FABP6: variants seen among roughly 807,000 people sequenced by gnomAD.
FABP6 encodes fatty acid binding protein 6, also known as gastrotropin.
A neutral mutation model predicts 14.9 loss-of-function variants in FABP6; 13 were observed. That is an observed-to-expected ratio of 0.87 (90% CI 0.57 to 1.39). The LOEUF is 1.39. FABP6 is among the 40% of genes most tolerant of loss of function. The pLI is 0.00. For synonymous variants in FABP6, 75 were observed against 63.6 expected (o/e 1.18, Z -0.85); for missense variants, 161 against 167.2 (o/e 0.96, Z 0.20).
intron 2 of FABP6, among the ~76,000 whole-genome samples, chr5:160,200,430 G>A (rs1383642752): frequency 1.6e-5 from 1 of 60,820 alleles, no homozygotes; most frequent in Admixed American, 1.4e-4. Context: ...TTTTTTTTTT[G>A]AGGCGGAGTC....
chr5:160,197,836 G>A (rs1053785228), intron 1 of FABP6: 1 of 151,968 alleles, frequency 6.6e-6, no homozygotes, highest in South Asian at 2.1e-4. Flanking sequence ...GCCTCCCCCT[G>A]CTCCGGAAAC....
At chr5:160,238,128 T>C (rs1227147037) in intron 3 of FABP6, among the ~76,000 whole-genome samples, 1 of 152,074 alleles carries the variant, frequency 6.6e-6, no homozygotes, top group East Asian at 1.9e-4. Flanking sequence ...CCCGCCTGCC[T>C]CTCCCACTAA....
chr5:160,203,340 T>C (rs1759687452), intron 2 of FABP6, among the ~76,000 whole-genome samples: 1 of 152,244 alleles, frequency 6.6e-6, no homozygotes, highest in Non-Finnish European at 1.5e-5. Context: ...TCAGGTTGAC[T>C]GGGGCATTTT....
intron 1 of FABP6, among the ~76,000 whole-genome samples, 197 bp downstream of exon 1, chr5:160,229,821 T>TTTTTATTTTA (rs200570698): frequency 2.6e-4 from 33 of 128,092 alleles, no homozygotes; most frequent in African/African-American, 8.7e-4. Flanking sequence ...CTCTTTAACT[T>TTTTTATTTTA]TTTTATTTTA....
intron 2 of FABP6, 36 bp downstream of exon 2, chr5:160,232,309 G>T (rs200090981): frequency 6.5e-7 from 1 of 1,541,738 alleles, no homozygotes; most frequent in African/African-American, 1.4e-5. Flanking sequence ...CCTTCCCCAG[G>T]CCTCCATCTG....
At chr5:160,201,139 T>G (rs772654964) in intron 2 of FABP6, among the ~76,000 whole-genome samples, 36 of 152,106 alleles carry the variant, frequency 2.4e-4, no homozygotes, top group Non-Finnish European at 4.4e-4. Flanking sequence ...GAGGATCACT[T>G]GAGCCCAGAA....
In FABP6 at chr5:160,238,152, C is replaced by T. The variant is rs563074262; in HGVS notation, c.334-454C>T. 1.9e-4 allele frequency among the ~76,000 whole-genome samples: 29 copies of T among 152,238 alleles called. No individual in the cohort carries two copies. In the South Asian group the frequency reaches 5.2e-3, roughly 27 times the overall value. On this transcript the variant is annotated intron_variant, in intron 3 of 3. Coordinates refer to ENST00000402432, the MANE Select transcript of FABP6 (RefSeq NM_001445.3). ...CTCTCCCACTAAACCTTAGGCTTCT[C>T]GAGAGTAGGGACTGTATCTTCCCAT... is the stretch of plus-strand genomic sequence containing the variant.
chr5:160,233,101 C>A (rs181275704), intron 2 of FABP6, among the ~76,000 whole-genome samples: 123 of 151,042 alleles, frequency 8.1e-4, no homozygotes, highest in Non-Finnish European at 1.3e-3. Flanking sequence ...CCTGCCTCAG[C>A]CTCCTGAGTA....
chr5:160,206,099 A>G (rs2113090458), intron 2 of FABP6, among the ~76,000 whole-genome samples: 1 of 152,326 alleles, frequency 6.6e-6, no homozygotes, highest in East Asian at 1.9e-4. Flanking sequence ...ATATATAGAA[A>G]GTCACAGCTG....
intron 3 of FABP6, among the ~76,000 whole-genome samples, chr5:160,218,455 C>T (rs1233951986): frequency 1.1e-5 from 1 of 89,358 alleles, no homozygotes; most frequent in Non-Finnish European, 2.3e-5. Flanking sequence ...TTATCTTAGT[C>T]TTTGACTTTT....
At chr5:160,231,298 G>A in intron 1 of FABP6, among the ~76,000 whole-genome samples, 1 of 152,158 alleles carries the variant, frequency 6.6e-6, no homozygotes, top group East Asian at 1.9e-4. Context: ...GACCTGATTC[G>A]GTCATTAAAT....
At chr5:160,238,542 GC>G (rs1279868096) in intron 3 of FABP6, 63 bp from the exon 4 acceptor site, 36 of 1,437,202 alleles carry the variant, frequency 2.5e-5, no homozygotes, top group Non-Finnish European at 3.4e-5. Context: ...TCTTCCTTCA[GC>G]GGTGCCTCCT....
chr5:160,225,939 C>T (rs374232324), upstream of FABP6, among the ~76,000 whole-genome samples: 6 of 151,962 alleles, frequency 3.9e-5, no homozygotes, highest in East Asian at 1.9e-4. Context: ...TTTGGGAGGC[C>T]GAGGCGAGTG....
chr5:160,190,123 C>T (rs1759365829), intron 1 of FABP6, among the ~76,000 whole-genome samples: 1 of 152,222 alleles, frequency 6.6e-6, no homozygotes, highest in African/African-American at 2.4e-5. Flanking sequence ...GCTTATCTAT[C>T]CAGCAACAAG....
intron 2 of FABP6, chr5:160,213,649 C>A (rs1334398158): frequency 1.1e-5 from 13 of 1,131,296 alleles, no homozygotes; most frequent in Non-Finnish European, 1.8e-5. Context: ...CTATGAGGAG[C>A]TCTGCCTCCC....
rs188345734 is a variant in FABP6 at position 160,204,196 on chromosome 5, T to C, written c.51+5039T>C. 1.3e-4 allele frequency among the ~76,000 whole-genome samples: 19 copies of C among 150,794 alleles called. No individual in the cohort carries two copies. In the East Asian group the frequency reaches 2.1e-3, roughly 17 times the overall value. ...CTTGCTGTGGAGCATGCACCTGTAG[T>C]CCTGTAGTCTTAGCTACTTGGGAGG... On this transcript the variant is annotated intron_variant, in intron 2 of 6. Coordinates refer to the FABP6 transcript ENST00000393980.
At chr5:160,229,433 G>A, upstream of FABP6, 2 of 1,547,094 alleles carry the variant, frequency 1.3e-6, no homozygotes, top group Non-Finnish European at 1.7e-6. Context: ...GGAGGGAGAA[G>A]AAGTGGGGTG....
intron 1 of FABP6, among the ~76,000 whole-genome samples, chr5:160,191,088 T>TG (rs1236199702): frequency 2.1e-4 from 15 of 70,960 alleles, no homozygotes; most frequent in Admixed American, 7.0e-4. Flanking sequence ...AGACTCCATC[T>TG]GGAAAAAAAA....
intron 3 of FABP6, among the ~76,000 whole-genome samples, chr5:160,237,015 T>C (rs766274205): frequency 6.6e-6 from 1 of 152,110 alleles, no homozygotes; most frequent in Non-Finnish European, 1.5e-5. Flanking sequence ...AACTAATAGA[T>C]GTACAGTGTT....
Sources: gnomAD v4.1 joint callset for allele counts (sites outside exome capture counted in the v4.1 genomes callset) on GRCh38, gnomAD v4.1.1 for gene constraint, MANE v1.5 for transcripts, NCBI Gene and HGNC (gene_info 2026-07-23, HGNC 2026-07-21) for gene names.